Variants in LHPP observed in about 807,000 individuals in gnomAD.
The protein encoded by LHPP is hLHPP.
Under a neutral mutation model 30.3 loss-of-function variants are expected in LHPP, and 24 were observed. That is an observed-to-expected ratio of 0.79 (90% CI 0.57 to 1.11). The LOEUF (loss-of-function observed/expected upper bound fraction) is 1.11, where lower values mean the gene tolerates loss of function less well. Among genes scored for constraint, LHPP ranks in the 50% most tolerant of loss-of-function variants. LHPP has a pLI of 0.00. For synonymous variants in LHPP, 150 were observed against 157.1 expected, an observed-to-expected ratio of 0.95 and a Z score of 0.34; for missense variants, 356 against 367.2, an observed-to-expected ratio of 0.97 and a Z score of 0.25.
At chr10:124,499,677 G>C (rs534055056) in intron 5 of LHPP, among the ~76,000 whole-genome samples, 1 of 151,964 alleles carries the variant, frequency 6.6e-6, no homozygotes, top group East Asian at 1.9e-4. Flanking sequence ...AAAAGAAACA[G>C]AGTCCACAGC....
intron 6 of LHPP, among the ~76,000 whole-genome samples, chr10:124,598,776 C>T (rs1948985254): frequency 6.6e-6 from 1 of 151,594 alleles, no homozygotes. Flanking sequence ...CCCATTCATC[C>T]ACCCTGATGC....
intron 5 of LHPP, among the ~76,000 whole-genome samples, chr10:124,512,996 TC>T (rs768575583): frequency 1.5e-4 from 23 of 152,246 alleles, no homozygotes; most frequent in Non-Finnish European, 2.1e-4. Flanking sequence ...AGTCATCGTT[TC>T]ATTTTGTCTT....
chr10:124,544,631 A>G (rs1179888070), intron 6 of LHPP, among the ~76,000 whole-genome samples: 4 of 152,184 alleles, frequency 2.6e-5, no homozygotes, highest in African/African-American at 9.7e-5. Flanking sequence ...TTTTATCACC[A>G]TGAGGTTGTG....
intron 6 of LHPP, among the ~76,000 whole-genome samples, chr10:124,544,839 C>T (rs1385977288): frequency 6.6e-6 from 1 of 152,226 alleles, no homozygotes; most frequent in Non-Finnish European, 1.5e-5. Flanking sequence ...GCTGTCCCTC[C>T]TGGTGCAGAC....
rs1275088668 is a variant in LHPP at position 124,517,444 on chromosome 10, T to C, written c.716+173T>C. The stretch of plus-strand genomic sequence containing the variant: ...CTAAGAACAGGGCTGAGTGGTCTTT[T>C]ATAGCAGACAGTGATAAAGTAGAGT... On this transcript the variant is annotated intron_variant, in intron 6 of 6. Transcript: ENST00000368842. This position sits in a 1 kb window ranked among gnomAD's most constrained non-coding sequence, Gnocchi z 4.1. 1 of 434,602 alleles carries C rather than the reference T, an allele frequency of 2.3e-6. No individual in the cohort carries two copies. 26.9% of individuals were successfully genotyped at this position (434,602 alleles called of 1,614,324 possible).
intron 6 of LHPP, among the ~76,000 whole-genome samples, chr10:124,577,196 T>G (rs1221785650): frequency 6.6e-6 from 1 of 152,100 alleles, no homozygotes; most frequent in Non-Finnish European, 1.5e-5. Context: ...GGTCCTGAGC[T>G]TGTGCTCCCG....
chr10:124,582,846 A>C (rs1441428498), intron 6 of LHPP, among the ~76,000 whole-genome samples: 1 of 151,758 alleles, frequency 6.6e-6, no homozygotes, highest in Non-Finnish European at 1.5e-5. Flanking sequence ...CTCTATTCAA[A>C]AAAAAAAAAG....
At chr10:124,476,415 C>T (rs1279633560) in intron 1 of LHPP, among the ~76,000 whole-genome samples, 3 of 152,160 alleles carry the variant, frequency 2.0e-5, no homozygotes, top group Non-Finnish European at 1.5e-5. Flanking sequence ...CTCTGCTGTG[C>T]CCAGCCTTTA....
At chr10:124,579,716 CA>C (rs750130000) in intron 6 of LHPP, among the ~76,000 whole-genome samples, 1 of 152,174 alleles carries the variant, frequency 6.6e-6, no homozygotes, top group African/African-American at 2.4e-5. Flanking sequence ...TATTTGGAGC[CA>C]GGAATCTTTT....
At position 124,496,226 on chromosome 10, in the gene LHPP, G is replaced by T. The variant is rs2133870836; in HGVS notation, c.468-735G>T. On this transcript the variant is annotated intron_variant, in intron 3 of 6. Coordinates refer to ENST00000368842, the MANE Select transcript of LHPP (RefSeq NM_022126.4). This position sits in a 1 kb window ranked among gnomAD's most constrained non-coding sequence, Gnocchi z 4.3. ...AATTGGCTTAGTTCAGCCAGAGCCA[G>T]GTCTGGCCCACCATGTGTCTGGACT... Among the ~76,000 whole-genome samples the T allele has an allele frequency of 6.6e-6, 1 of 152,348 alleles. No homozygotes were observed. Among genetic ancestry groups the T allele is most frequent in the East Asian group, 1.9e-4 (1 of 5,190 alleles).
intron 6 of LHPP, among the ~76,000 whole-genome samples, chr10:124,611,521 AG>A (rs1391787169): frequency 2.0e-5 from 3 of 149,538 alleles, no homozygotes; most frequent in Admixed American, 1.3e-4. Context: ...GGAGGGGCTT[AG>A]GGGACAAGGG....
At chr10:124,477,387 C>T (rs958129624) in intron 1 of LHPP, among the ~76,000 whole-genome samples, 1 of 152,156 alleles carries the variant, frequency 6.6e-6, no homozygotes, top group Non-Finnish European at 1.5e-5. Context: ...AATAGGGACC[C>T]TCCAGCACAC....
chr10:124,474,530 G>A (rs146159316), intron 1 of LHPP, among the ~76,000 whole-genome samples: 30 of 152,256 alleles, frequency 2.0e-4, no homozygotes, highest in African/African-American at 6.7e-4. Context: ...ACATCTGTTT[G>A]TATTTTCATG....
At chr10:124,555,592 C>T (rs1243952557) in intron 6 of LHPP, among the ~76,000 whole-genome samples, 1 of 152,150 alleles carries the variant, frequency 6.6e-6, no homozygotes. Context: ...CAGAGGGCAC[C>T]TGTAGGGCTG....
intron 1 of LHPP, among the ~76,000 whole-genome samples, chr10:124,462,798 A>G (rs1048722293): frequency 6.6e-6 from 1 of 152,148 alleles, no homozygotes; most frequent in Non-Finnish European, 1.5e-5. Flanking sequence ...CCCGGGTGCA[A>G]GTGATTCTCC....
At chr10:124,558,449 T>C (rs1339307524) in intron 6 of LHPP, among the ~76,000 whole-genome samples, 2 of 152,256 alleles carry the variant, frequency 1.3e-5, no homozygotes, top group African/African-American at 2.4e-5. Flanking sequence ...GCTCTGAGTC[T>C]GGACGTGGCC....
chr10:124,607,044 C>T (rs1198073448), intron 6 of LHPP, among the ~76,000 whole-genome samples: 2 of 152,186 alleles, frequency 1.3e-5, no homozygotes, highest in Non-Finnish European at 2.9e-5. Flanking sequence ...CGTGTGTGGC[C>T]GTGTCTCTCT....
At chr10:124,606,159 C>T (rs549403890) in intron 6 of LHPP, among the ~76,000 whole-genome samples, 3 of 152,276 alleles carry the variant, frequency 2.0e-5, no homozygotes, top group East Asian at 3.9e-4. Flanking sequence ...GCAGCCGCCC[C>T]GCAGGCGCCT....
intron 6 of LHPP, among the ~76,000 whole-genome samples, chr10:124,520,310 G>A (rs1201025290): frequency 6.6e-6 from 1 of 151,438 alleles, no homozygotes; most frequent in Non-Finnish European, 1.5e-5. Context: ...CCTCCAACAG[G>A]CCCCAGTGTG....
Sources: gnomAD v4.1 joint callset for allele counts (sites outside exome capture counted in the v4.1 genomes callset) on GRCh38, gnomAD v4.1.1 for gene constraint, Gnocchi (gnomAD v3.1) non-coding constraint, MANE v1.5 for transcripts, NCBI Gene and HGNC (gene_info 2026-07-23, HGNC 2026-07-21) for gene names.